Variants in NTRK3 observed in about 807,000 individuals in gnomAD.
NTRK3 encodes NT-3 growth factor receptor.
A neutral mutation model predicts 91.7 loss-of-function variants in NTRK3; 24 were observed. The observed-to-expected ratio is 0.26, with a 90% CI of 0.19 to 0.37. The LOEUF (loss-of-function observed/expected upper bound fraction) is 0.37, where lower values mean the gene tolerates loss of function less well. Among genes scored for constraint, NTRK3 ranks in the 10% least tolerant of loss-of-function variants. NTRK3 has a pLI of 1.00. For synonymous variants in NTRK3, 483 were observed against 404.0 expected (o/e 1.20, Z -2.34); for missense variants, 880 against 1,068.9 (o/e 0.82, Z 2.46).
intron 11 of NTRK3, among the ~76,000 whole-genome samples, chr15:88,128,398 T>C (rs182041004): frequency 1.6e-4 from 25 of 152,296 alleles, no homozygotes; most frequent in African/African-American, 4.8e-4. Context: ...TAGGGGTCTA[T>C]TGAGGCACAT....
At chr15:88,003,226 G>A (rs2076243614) in intron 14 of NTRK3, among the ~76,000 whole-genome samples, 1 of 152,238 alleles carries the variant, frequency 6.6e-6, no homozygotes, top group Admixed American at 6.5e-5. Context: ...CAATTATATA[G>A]GAGATAAACT....
intron 17 of NTRK3, among the ~76,000 whole-genome samples, chr15:87,892,083 A>AACACACACACACACACACACAAACACAC (rs2065881536): frequency 7.1e-6 from 1 of 141,344 alleles, no homozygotes; most frequent in Admixed American, 7.0e-5. Context: ...CCCCATCCCC[A>AACACACACACACACACACACAAACACAC]ACACACACAC....
At chr15:87,960,944 T>C (rs957685482) in intron 14 of NTRK3, among the ~76,000 whole-genome samples, 1 of 152,206 alleles carries the variant, frequency 6.6e-6, no homozygotes, top group Non-Finnish European at 1.5e-5. Context: ...CTCTCACTTC[T>C]ACCACTTCAC....
intron 3 of NTRK3, among the ~76,000 whole-genome samples, chr15:88,189,743 C>A (rs913897314): frequency 6.6e-6 from 1 of 152,138 alleles, no homozygotes; most frequent in Admixed American, 6.5e-5. Context: ...CATTGCCAAC[C>A]AGATGGTACT....
intron 13 of NTRK3, among the ~76,000 whole-genome samples, chr15:88,066,782 G>A (rs2046686599): frequency 6.6e-6 from 1 of 152,148 alleles, no homozygotes; most frequent in African/African-American, 2.4e-5. Flanking sequence ...TTTCTTCTCT[G>A]TGGTTCTTAC....
chr15:88,133,138 C>T (rs1041192269), intron 10 of NTRK3, among the ~76,000 whole-genome samples: 4 of 152,128 alleles, frequency 2.6e-5, no homozygotes, highest in Admixed American at 6.5e-5. Flanking sequence ...GGGGCTGGTC[C>T]ATGGACCAAA....
intron 14 of NTRK3, among the ~76,000 whole-genome samples, chr15:87,972,880 G>A (rs2073371138): frequency 6.6e-6 from 1 of 152,146 alleles, no homozygotes; most frequent in African/African-American, 2.4e-5. Flanking sequence ...ACCTGGGCTG[G>A]AGGCCTTTGA....
intron 14 of NTRK3, among the ~76,000 whole-genome samples, chr15:87,969,847 G>T (rs1387276590): frequency 6.6e-6 from 1 of 152,208 alleles, no homozygotes; most frequent in Non-Finnish European, 1.5e-5. Flanking sequence ...TTGTCCAGCT[G>T]TGACAGAGAG....
At chr15:87,891,131 T>G (rs998601186) in intron 17 of NTRK3, among the ~76,000 whole-genome samples, 1 of 152,150 alleles carries the variant, frequency 6.6e-6, no homozygotes, top group Non-Finnish European at 1.5e-5. Flanking sequence ...AGAGAGAGTT[T>G]CAAAATAACA....
intron 17 of NTRK3, among the ~76,000 whole-genome samples, chr15:87,894,864 GT>G (rs1249468446): frequency 6.6e-6 from 1 of 152,122 alleles, no homozygotes; most frequent in Admixed American, 6.5e-5. Context: ...ACTATTCTGA[GT>G]TGTGGATACT....
intron 17 of NTRK3, among the ~76,000 whole-genome samples, chr15:87,926,425 G>A (rs897475522): frequency 6.6e-6 from 1 of 152,222 alleles, no homozygotes; most frequent in Non-Finnish European, 1.5e-5. Context: ...ACTTCCTTGG[G>A]ACCAAAAACA....
Position 87,995,424 on chromosome 15 carries a change from A to C in NTRK3, c.1585+37433T>G, listed in dbSNP as rs80015302. Among the ~76,000 whole-genome samples, 33 of 152,314 alleles carry C rather than the reference A, an allele frequency of 2.2e-4. No individual in the cohort carries two copies. In the East Asian group the frequency reaches 5.8e-3, roughly 27 times the overall value. The stretch of plus-strand genomic sequence containing the variant: ...TTGCCATGAGGCCTAAAGGAGACAT[A>C]AGATTTTCTCCTAAGAAGATAGGAA... On this transcript the variant is annotated intron_variant, in intron 14 of 18. Coordinates refer to ENST00000394480, the Ensembl canonical transcript of NTRK3.
intron 13 of NTRK3, among the ~76,000 whole-genome samples, chr15:88,058,470 G>C (rs781503189): frequency 7.2e-5 from 11 of 152,196 alleles, no homozygotes; most frequent in Non-Finnish European, 1.3e-4. Flanking sequence ...AAAGGTTAGT[G>C]CAAGTCCTAG....
At chr15:88,030,746 A>C (rs1346463886) in intron 14 of NTRK3, among the ~76,000 whole-genome samples, 1 of 151,992 alleles carries the variant, frequency 6.6e-6, no homozygotes, top group African/African-American at 2.4e-5. Context: ...CTCAACAAGG[A>C]GATATCTGCC....
Position 88,042,156 on chromosome 15 carries a change from T to C in NTRK3, c.1397-9111A>G, listed in dbSNP as rs868042319. 2.6e-5 allele frequency among the ~76,000 whole-genome samples: 4 copies of C among 152,102 alleles called. No homozygotes were observed. The South Asian group carries it at 8.3e-4, about 32-fold the overall frequency. ...TGGGCGAGAGCTTCGCATCAACAAATCTGGGAGCAGGAACTCATAAAACGG... is the reference window on the plus strand; with the variant it reads ...TGGGCGAGAGCTTCGCATCAACAAACCTGGGAGCAGGAACTCATAAAACGG... On this transcript the variant is annotated intron_variant, in intron 13 of 18. Transcript: ENST00000394480.
At chr15:87,913,624 T>C (rs1489481397) in intron 17 of NTRK3, among the ~76,000 whole-genome samples, 2 of 152,170 alleles carry the variant, frequency 1.3e-5, no homozygotes, top group South Asian at 2.1e-4. Context: ...GGGCATGTAA[T>C]ACTAGGTATC....
intron 5 of NTRK3, among the ~76,000 whole-genome samples, chr15:88,169,864 A>G (rs1490515867): frequency 6.6e-6 from 1 of 152,130 alleles, no homozygotes. Context: ...CTTAGGTTTC[A>G]GGTGGCCTGG....
Position 88,033,051 on chromosome 15 carries a change from C to T in NTRK3, c.1397-6G>A, listed in dbSNP as rs1306440356. On this transcript the variant is annotated splice_region_variant and splice_polypyrimidine_tract_variant and intron_variant, in intron 13 of 18. Transcript: ENST00000394480. ...ACTGATGACAGCCACGGGACCTGCA[C>T]ACACCAAGAGAGACGCAGGACCTGG... is the stretch of plus-strand genomic sequence containing the variant. The T allele has an allele frequency of 1.3e-6, 2 of 1,571,172 alleles. No individual in the cohort carries two copies. The highest frequency in any genetic ancestry group is 1.2e-5 in the South Asian group (1 of 86,246).
chr15:87,945,677 A>T (rs570184608), intron 14 of NTRK3, among the ~76,000 whole-genome samples: 60 of 150,370 alleles, frequency 4.0e-4, no homozygotes, highest in African/African-American at 1.4e-3. Context: ...TGTCAGCTTC[A>T]CCTCCCTGTT....
Sources: gnomAD v4.1 joint callset for allele counts (sites outside exome capture counted in the v4.1 genomes callset) on GRCh38, gnomAD v4.1.1 for gene constraint, MANE v1.5 for transcripts, NCBI Gene and HGNC (gene_info 2026-07-23, HGNC 2026-07-21) for gene names.